BAALC: variants seen among roughly 807,000 people sequenced by gnomAD.
The protein encoded by BAALC is BAALC binder of MAP3K1 and KLF4.
A neutral mutation model predicts 15.5 loss-of-function variants in BAALC; 9 were observed. The ratio of observed to expected loss-of-function variants is 0.58; its 90% confidence interval spans 0.35 to 1.02. The LOEUF (loss-of-function observed/expected upper bound fraction) is 1.02. BAALC is among the 50% of genes least tolerant of loss of function. The probability of loss-of-function intolerance (pLI) is 0.02; values close to 1 mark genes in which losing one functional copy is unlikely to be tolerated. For synonymous variants in BAALC, 80 were observed against 74.6 expected, an observed-to-expected ratio of 1.07 and a Z score of -0.37; for missense variants, 201 against 192.4, an observed-to-expected ratio of 1.04 and a Z score of -0.27.
chr8:103,199,111 A>T (rs568466351), intron 1 of BAALC, among the ~76,000 whole-genome samples: 2 of 152,218 alleles, frequency 1.3e-5, no homozygotes, highest in Non-Finnish European at 2.9e-5. Context: ...TGTAAAGAAC[A>T]TCTTCAACAA....
At chr8:103,200,075 G>C (rs1279543733) in intron 1 of BAALC, among the ~76,000 whole-genome samples, 1 of 152,042 alleles carries the variant, frequency 6.6e-6, no homozygotes, top group African/African-American at 2.4e-5. Flanking sequence ...GCATTTAAGT[G>C]GATTCCATGT....
chr8:103,145,741 T>A (rs1810864665), intron 1 of BAALC, among the ~76,000 whole-genome samples: 1 of 152,244 alleles, frequency 6.6e-6, no homozygotes, highest in Non-Finnish European at 1.5e-5. Context: ...TTTTCTCTGC[T>A]ATGTACCCAG....
rs748239866 is a variant in BAALC, at chr8:103,228,080, C to T, written c.419C>T (p.Thr140Ile). 1.2e-6 allele frequency: 2 copies of T among 1,611,808 alleles called. No individual in the cohort carries two copies. The highest frequency in any genetic ancestry group is 3.3e-5 in the Admixed American group (2 of 59,982). ...IQQMDRSRRI[T>I]KNCVN ...CAGATGGACAGAAGTCGAAGAATCACAAAGAACTGTGTCAACTAGCAGAGA... is the reference window on the plus strand; with the variant it reads ...CAGATGGACAGAAGTCGAAGAATCATAAAGAACTGTGTCAACTAGCAGAGA... Residue 140 changes from threonine (T) to isoleucine (I), a missense_variant, in exon 3 of 3, where the codon ACA becomes ATA. Physicochemically the swap from Thr to Ile is moderately conservative, Grantham distance 89. Transcript: ENST00000309982.
At chr8:103,212,305 G>T (rs1586435160) in intron 1 of BAALC, among the ~76,000 whole-genome samples, 1 of 152,048 alleles carries the variant, frequency 6.6e-6, no homozygotes, top group African/African-American at 2.4e-5. Context: ...AAAATTAGCT[G>T]GGCATGGTGA....
chr8:103,147,951 T>A (rs755407640), intron 1 of BAALC, among the ~76,000 whole-genome samples: 2 of 152,206 alleles, frequency 1.3e-5, no homozygotes, highest in Non-Finnish European at 2.9e-5. Flanking sequence ...CATGCCTGAC[T>A]CCCACTCTGT....
chr8:103,194,539 T>G (rs1423670909), intron 1 of BAALC, among the ~76,000 whole-genome samples: 1 of 152,138 alleles, frequency 6.6e-6, no homozygotes, highest in Non-Finnish European at 1.5e-5. Context: ...CCCCTGGAGG[T>G]AACTAAAATT....
At position 103,208,691 on chromosome 8, in the gene BAALC, G is replaced by A. The variant is rs77390594; in HGVS notation, c.161-4228G>A. On this transcript the variant is annotated intron_variant, in intron 1 of 2. Coordinates refer to ENST00000309982, the MANE Select transcript of BAALC (RefSeq NM_024812.3). ...CCAATGGACAATGGAGCGTGTCCCCGGGCTTGGAGCTGTAAATCATACTTG... is the reference window on the plus strand; with the variant it reads ...CCAATGGACAATGGAGCGTGTCCCCAGGCTTGGAGCTGTAAATCATACTTG... Among the ~76,000 whole-genome samples the A allele has an allele frequency of 6.0e-3, 907 of 152,248 alleles. 7 individuals carry two copies. Among genetic ancestry groups the A allele is most frequent in the African/African-American group, 0.02 (837 of 41,554 alleles).
At chr8:103,157,162 T>C (rs1368899360) in intron 1 of BAALC, 1 of 151,880 alleles carries the variant, frequency 6.6e-6, no homozygotes, top group Non-Finnish European at 1.5e-5. Flanking sequence ...CACACACAAA[T>C]GGAGATTATA....
intron 1 of BAALC, among the ~76,000 whole-genome samples, chr8:103,148,151 G>C (rs1035480141): frequency 6.6e-6 from 1 of 152,170 alleles, no homozygotes; most frequent in Admixed American, 6.6e-5. Context: ...AGTTCATTAG[G>C]GTGGGCCCTA....
At chr8:103,174,854 G>C (rs557643296) in intron 1 of BAALC, among the ~76,000 whole-genome samples, 13 of 152,320 alleles carry the variant, frequency 8.5e-5, no homozygotes, top group Non-Finnish European at 1.3e-4. Context: ...TAAAAGCCAA[G>C]ATTCTGTTAC....
At chr8:103,163,914 G>A (rs936519986) in intron 1 of BAALC, among the ~76,000 whole-genome samples, 1 of 152,172 alleles carries the variant, frequency 6.6e-6, no homozygotes, top group African/African-American at 2.4e-5. Context: ...TGCTGGGGCT[G>A]GAGCAGTGGA....
At chr8:103,179,900 C>T (rs982754544) in intron 1 of BAALC, among the ~76,000 whole-genome samples, 16 of 152,186 alleles carry the variant, frequency 1.1e-4, no homozygotes, top group African/African-American at 3.4e-4. Flanking sequence ...CTAAGGGAGT[C>T]TGATGAGGAC....
intron 1 of BAALC, among the ~76,000 whole-genome samples, chr8:103,177,197 T>A (rs138728873): frequency 0.32 from 48,248 of 150,920 alleles, 8,967 homozygotes; most frequent in Non-Finnish European, 0.43. Flanking sequence ...TGTTTTGTTT[T>A]TTTTTTTTTG....
At position 103,179,086 on chromosome 8, in the gene BAALC, A is replaced by G. The variant is rs188647571; in HGVS notation, c.161-33833A>G. Reference sequence around the variant, plus strand: ...TGGGGTTCTCTTCTCTATCAGACAGAAAAGAAACTCATCATGCATGATCAG... The same window carrying G: ...TGGGGTTCTCTTCTCTATCAGACAGGAAAGAAACTCATCATGCATGATCAG... On this transcript the variant is annotated intron_variant, in intron 1 of 2. Coordinates refer to ENST00000309982, the MANE Select transcript of BAALC (RefSeq NM_024812.3). Among the ~76,000 whole-genome samples, 7 of 152,342 alleles carry G rather than the reference A, an allele frequency of 4.6e-5. No individual in the cohort carries two copies. The East Asian group carries it at 9.6e-4, about 21-fold the overall frequency.
intron 1 of BAALC, among the ~76,000 whole-genome samples, chr8:103,203,317 T>C (rs1812259429): frequency 6.6e-6 from 1 of 152,220 alleles, no homozygotes; most frequent in South Asian, 2.1e-4. Flanking sequence ...AGTCCACTAG[T>C]CAGTTTCTCT....
chr8:103,166,082 C>T (rs1297817497), intron 1 of BAALC: 1 of 152,614 alleles, frequency 6.6e-6, no homozygotes, highest in Non-Finnish European at 1.5e-5. Flanking sequence ...CCATTGTTCG[C>T]TTTTTCTGAA....
intron 1 of BAALC, among the ~76,000 whole-genome samples, chr8:103,197,425 A>G (rs1812120321): frequency 6.6e-6 from 1 of 152,128 alleles, no homozygotes; most frequent in East Asian, 1.9e-4. Context: ...TCAAATTCCA[A>G]CTCCATGATC....
intron 2 of BAALC, among the ~76,000 whole-genome samples, chr8:103,222,025 CA>C (rs1310012970): frequency 2.0e-5 from 3 of 152,112 alleles, no homozygotes; most frequent in Admixed American, 2.0e-4. Context: ...GCAAAGTGGG[CA>C]GGTGGCGGGT....
intron 2 of BAALC, among the ~76,000 whole-genome samples, chr8:103,219,024 C>T (rs553207861): frequency 4.6e-5 from 7 of 152,220 alleles, no homozygotes; most frequent in African/African-American, 1.2e-4. Context: ...AAGGAGGGAG[C>T]GAACAACAGA....
Sources: allele counts gnomAD v4.1 joint callset (sites outside exome capture counted in the v4.1 genomes callset), GRCh38; gene constraint gnomAD v4.1.1; transcripts MANE v1.5; gene names NCBI Gene and HGNC (gene_info 2026-07-23, HGNC 2026-07-21).